The following ITFG2 variants were observed in gnomAD, a reference collection of about 807,000 sequenced individuals.
The protein encoded by ITFG2 is KICSTOR complex protein ITFG2.
ITFG2 carries 36 observed loss-of-function variants against 54.4 expected under a neutral mutation model. That is an observed-to-expected ratio of 0.66 (90% CI 0.51 to 0.87). The LOEUF (loss-of-function observed/expected upper bound fraction) is 0.87, where lower values mean the gene tolerates loss of function less well. Among genes scored for constraint, ITFG2 ranks in the 40% least tolerant of loss-of-function variants. ITFG2 has a pLI of 0.00. For synonymous variants in ITFG2, 211 were observed against 225.4 expected (o/e 0.94, Z 0.57); for missense variants, 524 against 576.7 (o/e 0.91, Z 0.94).
chr12:2,857,016 T>C (rs2098089559), intron 2 of ITFG2: 4 of 702,986 alleles, frequency 5.7e-6, no homozygotes, highest in Non-Finnish European at 1.0e-5. Flanking sequence ...TCTTTGCCGG[T>C]TACTGGCCAT....
At chr12:2,837,510 G>A (rs539051510) in intron 1 of ITFG2, among the ~76,000 whole-genome samples, 20 of 152,146 alleles carry the variant, frequency 1.3e-4, no homozygotes, top group South Asian at 6.2e-4. Context: ...GGTGGCACAC[G>A]CCTGTAATCC....
Position 2,824,253 on chromosome 12 carries a change from G to T in ITFG2, c.*60G>T. Reference sequence around the variant, plus strand: ...TGAACCCCCACCCTACCCCCTAAAGGTATCTGTGGTATTGGCAGGATAGGG... The same window carrying T: ...TGAACCCCCACCCTACCCCCTAAAGTTATCTGTGGTATTGGCAGGATAGGG... On this transcript the variant is annotated 3_prime_UTR_variant, in exon 12 of 12. Coordinates refer to ENST00000228799, the MANE Select transcript of ITFG2 (RefSeq NM_018463.4). 3 of 1,495,516 alleles carry T rather than the reference G, an allele frequency of 2.0e-6. No homozygotes were observed. Among genetic ancestry groups the T allele is most frequent in the South Asian group, 1.1e-5 (1 of 88,540 alleles). The allele number at this position is 1,495,516 out of a possible 1,614,324, so 92.6% of individuals were successfully genotyped here.
chr12:2,819,230 C>T (rs1206547005), intron 4 of ITFG2, among the ~76,000 whole-genome samples: 4 of 151,866 alleles, frequency 2.6e-5, no homozygotes, highest in African/African-American at 9.7e-5. Flanking sequence ...TTTGGGAAGC[C>T]GAGGAGGGCA....
chr12:2,851,245 G>C (rs1323792709), intron 2 of ITFG2, among the ~76,000 whole-genome samples: 1 of 152,112 alleles, frequency 6.6e-6, no homozygotes, highest in Non-Finnish European at 1.5e-5. Flanking sequence ...CTCTGGGTGA[G>C]TGAGTGAGTG....
At chr12:2,848,740 G>A (rs188489550) in intron 2 of ITFG2, among the ~76,000 whole-genome samples, 2 of 152,206 alleles carry the variant, frequency 1.3e-5, no homozygotes, top group African/African-American at 4.8e-5. Context: ...TGGCATTTTG[G>A]TTATTTTTGC....
rs531100202 is a variant in ITFG2, at chr12:2,853,793, C to T, written n.301-4219C>T. 4.0e-4 allele frequency among the ~76,000 whole-genome samples: 61 copies of T among 152,034 alleles called. No homozygotes were observed. In the South Asian group the frequency reaches 0.01, roughly 26 times the overall value. ...AGCATCCGTGAGTTCCCAGGGTGGCCGGGAGGGGGAGCTGCGGGGTTCACA... is the reference window on the plus strand; with the variant it reads ...AGCATCCGTGAGTTCCCAGGGTGGCTGGGAGGGGGAGCTGCGGGGTTCACA... On this transcript the variant is annotated intron_variant and non_coding_transcript_variant, in intron 2 of 3. Transcript: ENST00000537710.
chr12:2,855,054 G>A, intron 2 of ITFG2: 1 of 1,536,128 alleles, frequency 6.5e-7, no homozygotes, highest in African/African-American at 1.4e-5. Context: ...TGGGATAACA[G>A]TGGATGAAGG....
chr12:2,832,816 G>A (rs916666041), upstream of ITFG2, among the ~76,000 whole-genome samples: 2 of 150,020 alleles, frequency 1.3e-5, no homozygotes, highest in Admixed American at 1.3e-4. Context: ...CTCTCCACCT[G>A]CCCTCTCTCC....
Position 2,823,716 on chromosome 12 carries a change from C to G in ITFG2, c.1067-54C>G, listed in dbSNP as rs1044977920. ...AGGTCTGTGTCTTGCTGTCTGCCCC[C>G]CACTGTCGGCACTGAAACTTCCTGA... is the stretch of plus-strand genomic sequence containing the variant. On this transcript the variant is annotated intron_variant, in intron 10 of 11. Coordinates refer to ENST00000228799, the MANE Select transcript of ITFG2 (RefSeq NM_018463.4). The G allele has an allele frequency of 3.3e-6, 5 of 1,506,888 alleles. No individual in the cohort carries two copies. The South Asian group carries it at 4.1e-5, about 12-fold the overall frequency. 93.3% of individuals were successfully genotyped at this position (1,506,888 alleles called of 1,614,324 possible). A position where few individuals can be genotyped will look rare whatever the true frequency, so the allele number is the denominator to read the frequency against.
intron 3 of ITFG2, chr12:2,859,361 TG>T: frequency 1.2e-6 from 2 of 1,613,764 alleles, no homozygotes; most frequent in Non-Finnish European, 8.5e-7. Context: ...CACACCGGGT[TG>T]GGGACCTAAG....
intron 1 of ITFG2, among the ~76,000 whole-genome samples, chr12:2,839,029 T>C (rs551298388): frequency 6.6e-6 from 1 of 151,706 alleles, no homozygotes; most frequent in South Asian, 2.1e-4. Flanking sequence ...CAGTGGCTCA[T>C]GCCTGTAATC....
intron 2 of ITFG2, chr12:2,857,032 T>C (rs2153930113): frequency 1.4e-6 from 1 of 702,980 alleles, no homozygotes; most frequent in South Asian, 1.5e-5. Flanking sequence ...GCCATTCTTC[T>C]GGGCCTCAGA....
chr12:2,833,346 TAGGAATA>T (rs2098012858), upstream of ITFG2, among the ~76,000 whole-genome samples: 2 of 151,858 alleles, frequency 1.3e-5, no homozygotes, highest in Admixed American at 6.6e-5. Flanking sequence ...CCACTGCAAG[TAGGAATA>T]AGCCCCTGGC....
chr12:2,843,323 C>T (rs993465978), intron 2 of ITFG2, among the ~76,000 whole-genome samples: 2 of 152,210 alleles, frequency 1.3e-5, no homozygotes, highest in African/African-American at 4.8e-5. Context: ...GAGAGCACAC[C>T]TCCCTACTGC....
At chr12:2,834,502 G>A (rs1291690212), upstream of ITFG2, 2 of 1,234,810 alleles carry the variant, frequency 1.6e-6, no homozygotes, top group African/African-American at 3.0e-5. Context: ...GAGTTGGCAG[G>A]ATGACCTCTC....
intron 3 of ITFG2, chr12:2,859,532 A>T: frequency 2.5e-6 from 4 of 1,614,056 alleles, no homozygotes; most frequent in Non-Finnish European, 3.4e-6. Context: ...TTTCCTCCCC[A>T]GGCTGGATTT....
At chr12:2,855,603 C>T (rs2098084792) in intron 2 of ITFG2, among the ~76,000 whole-genome samples, 2 of 152,246 alleles carry the variant, frequency 1.3e-5, no homozygotes, top group Admixed American at 1.3e-4. Context: ...CTCCATCCCT[C>T]TCCTTCCCGG....
At chr12:2,840,249 G>A (rs1300724866) in intron 1 of ITFG2, among the ~76,000 whole-genome samples, 4 of 151,846 alleles carry the variant, frequency 2.6e-5, no homozygotes, top group Admixed American at 2.6e-4. Context: ...AGCAGTTCAA[G>A]ACCAGCCTGG....
intron 2 of ITFG2, chr12:2,855,151 C>T: frequency 2.0e-6 from 3 of 1,527,030 alleles, no homozygotes; most frequent in Non-Finnish European, 2.6e-6. Context: ...GTCGGTCAGC[C>T]AGCGCCAGAC....
Sources: gnomAD v4.1 joint callset for allele counts (sites outside exome capture counted in the v4.1 genomes callset) on GRCh38, gnomAD v4.1.1 for gene constraint, MANE v1.5 for transcripts, NCBI Gene and HGNC (gene_info 2026-07-23, HGNC 2026-07-21) for gene names.